Variants in PPIG observed in about 807,000 individuals in gnomAD.
PPIG encodes peptidyl-prolyl cis-trans isomerase G.
PPIG carries 26 observed loss-of-function variants against 87.9 expected under a neutral mutation model. The observed-to-expected ratio is 0.30, with a 90% confidence interval of 0.22 to 0.41. PPIG has a LOEUF of 0.41. Ranked by LOEUF, PPIG falls within the 10% of genes least tolerant of loss-of-function variation. The probability of loss-of-function intolerance (pLI) is 1.00; values close to 1 mark genes in which losing one functional copy is unlikely to be tolerated. For missense variants in PPIG, 722 were observed against 879.4 expected (o/e 0.82, Z 2.26); for synonymous variants, 308 against 276.5 (o/e 1.11, Z -1.13).
intron 7 of PPIG, among the ~76,000 whole-genome samples, chr2:169,611,505 T>TCAA (rs1327894069): frequency 1.3e-5 from 2 of 152,214 alleles, no homozygotes; most frequent in East Asian, 3.8e-4. Context: ...ATGAACATTG[T>TCAA]TGTGCCTATC....
At chr2:169,606,590 T>TGAAAAAAAA (rs1360012419) in intron 5 of PPIG, among the ~76,000 whole-genome samples, 2 of 10,000 alleles carry the variant, frequency 2.0e-4, no homozygotes, top group Admixed American at 2.9e-3. Flanking sequence ...AGACTCTGTC[T>TGAAAAAAAA]CAAAAAAAAA....
rs1163942681 is a variant in PPIG, at chr2:169,633,651, A to G, written c.1017+404A>G. ...CAAAACTTTATAGAAACTTGGCTATACTTTCCTGTCTTATGTCTTCACTTC... is the reference window on the plus strand; with the variant it reads ...CAAAACTTTATAGAAACTTGGCTATGCTTTCCTGTCTTATGTCTTCACTTC... On this transcript the variant is annotated intron_variant, in intron 12 of 13. Transcript: ENST00000260970. 3 of 217,816 alleles carry G rather than the reference A, an allele frequency of 1.4e-5. No homozygotes were observed. In the Admixed American group the frequency reaches 1.7e-4, roughly 13 times the overall value. 13.5% of individuals were successfully genotyped at this position (217,816 alleles called of 1,614,324 possible).
chr2:169,631,028 T>C (rs756087684), intron 10 of PPIG, 41 bp downstream of exon 10: 1 of 1,481,418 alleles, frequency 6.8e-7, no homozygotes, highest in Non-Finnish European at 9.1e-7. Flanking sequence ...TATATTCTGA[T>C]TTCCTTTCTG....
chr2:169,606,591 C>CAAAAA (rs71006009), intron 5 of PPIG, among the ~76,000 whole-genome samples: 14 of 85,022 alleles, frequency 1.6e-4, no homozygotes, highest in South Asian at 3.6e-4. Context: ...GACTCTGTCT[C>CAAAAA]AAAAAAAAAA....
chr2:169,628,307 G>A (rs778317463), intron 9 of PPIG, among the ~76,000 whole-genome samples: 2 of 152,102 alleles, frequency 1.3e-5, no homozygotes, highest in Non-Finnish European at 2.9e-5. Context: ...GGGTAAGGAA[G>A]GATTATCTTA....
Position 169,606,958 on chromosome 2 carries a change from CATT to C in PPIG, c.245-144_245-142del. On this transcript the variant is annotated intron_variant, in intron 5 of 13. Coordinates refer to ENST00000260970, the MANE Select transcript of PPIG (RefSeq NM_004792.3). ...TAATTTGGGACCTTGTCGTTATTGA[CATT>C]AATATCTTTTATGATTTGCTGCAAT... The C allele has an allele frequency of 3.3e-5, 21 of 628,698 alleles. No individual in the cohort carries two copies. In the South Asian group the frequency reaches 4.0e-4, roughly 12 times the overall value. 38.9% of individuals were successfully genotyped at this position (628,698 alleles called of 1,614,324 possible).
chr2:169,628,225 T>C (rs1685945783), intron 9 of PPIG, among the ~76,000 whole-genome samples: 1 of 152,160 alleles, frequency 6.6e-6, no homozygotes, highest in African/African-American at 2.4e-5. Flanking sequence ...CTGTCATGAT[T>C]TCCAGGCACA....
In PPIG at chr2:169,638,741, C is replaced by T. The variant is rs1686247213; in HGVS notation, c.*1218C>T. The T allele has an allele frequency of 6.6e-6, 1 of 151,972 alleles. No individual in the cohort carries two copies. Among genetic ancestry groups the T allele is most frequent in the African/African-American group, 2.4e-5 (1 of 41,430 alleles). The allele number at this position is 151,972 out of a possible 1,614,324, so 9.4% of individuals were successfully genotyped here. ...TTTTGATAGTTTACAGAGTTAAACA[C>T]TAAACATATCCAAAGTCCATTTAGA... On this transcript the variant is annotated 3_prime_UTR_variant, in exon 14 of 14. Coordinates refer to ENST00000260970, the MANE Select transcript of PPIG (RefSeq NM_004792.3).
rs1686304852 is a variant in PPIG, at chr2:169,641,274, A to G, written c.*3751A>G. The G allele has an allele frequency of 6.6e-6, 1 of 152,170 alleles. No individual in the cohort carries two copies. The highest frequency in any genetic ancestry group is 1.5e-5 in the Non-Finnish European group (1 of 68,012). 9.4% of individuals were successfully genotyped at this position (152,170 alleles called of 1,614,324 possible). The stretch of plus-strand genomic sequence containing the variant: ...TCTCAATTGTAAAATTAGTTTCAAA[A>G]TGCTGCTTCTCTTATCATTAGTCTA... On this transcript the variant is annotated 3_prime_UTR_variant, in exon 14 of 14. Coordinates refer to ENST00000260970, the MANE Select transcript of PPIG (RefSeq NM_004792.3).
chr2:169,632,569 A>G (rs556149133), intron 11 of PPIG, among the ~76,000 whole-genome samples: 145 of 151,314 alleles, frequency 9.6e-4, no homozygotes, highest in African/African-American at 3.4e-3. Flanking sequence ...GTGAAACCCC[A>G]TCTCTACTAA....
At chr2:169,593,771 C>T (rs1684938289) in intron 1 of PPIG, among the ~76,000 whole-genome samples, 1 of 151,014 alleles carries the variant, frequency 6.6e-6, no homozygotes, top group African/African-American at 2.4e-5. Context: ...CCTGCCTCAG[C>T]CTCCAGGTGG....
Position 169,614,579 on chromosome 2 carries a change from CT to C in PPIG, c.408-3del. The stretch of plus-strand genomic sequence containing the variant: ...TTATTTAATAATTTTTTACTTGACA[CT>C]TTAGGCATCATGTTGTTTTTGGACA... On this transcript the variant is annotated splice_polypyrimidine_tract_variant and splice_region_variant and intron_variant, in intron 8 of 13. Coordinates refer to ENST00000260970, the MANE Select transcript of PPIG (RefSeq NM_004792.3). The C allele has an allele frequency of 1.9e-6, 3 of 1,598,588 alleles. No homozygotes were observed. Among genetic ancestry groups the C allele is most frequent in the African/African-American group, 2.7e-5 (2 of 74,092 alleles).
At chr2:169,611,814 A>G (rs1685496388) in intron 7 of PPIG, among the ~76,000 whole-genome samples, 1 of 152,070 alleles carries the variant, frequency 6.6e-6, no homozygotes, top group African/African-American at 2.4e-5. Context: ...ATATCTTCCT[A>G]TTTCGTAGGT....
Position 169,639,793 on chromosome 2 carries a change from T to C in PPIG, c.*2270T>C, listed in dbSNP as rs1274455040. ...TCTGAATAGCACACGGCTCAAATGG[T>C]CCTTTCCTTTTGTTACATTTAGTAG... On this transcript the variant is annotated 3_prime_UTR_variant, in exon 14 of 14. Coordinates refer to ENST00000260970, the MANE Select transcript of PPIG (RefSeq NM_004792.3). 1 of 152,120 alleles carries C rather than the reference T, an allele frequency of 6.6e-6. No individual in the cohort carries two copies. Among genetic ancestry groups the C allele is most frequent in the Non-Finnish European group, 1.5e-5 (1 of 67,988 alleles). The allele number at this position is 152,120 out of a possible 1,614,324, so 9.4% of individuals were successfully genotyped here.
At chr2:169,630,654 A>G in intron 9 of PPIG, 120 bp from the exon 10 acceptor site, 1 of 824,280 alleles carries the variant, frequency 1.2e-6, no homozygotes, top group Non-Finnish European at 2.0e-6. Flanking sequence ...CCCAGTTCAC[A>G]TAGCTGGATG....
intron 2 of PPIG, 66 bp from the exon 3 acceptor site, chr2:169,603,960 T>C (rs1685252891): frequency 2.4e-6 from 3 of 1,267,092 alleles, no homozygotes; most frequent in African/African-American, 1.5e-5. Flanking sequence ...GAATTTTTTT[T>C]CCAGAAATTT....
At chr2:169,607,666 A>AT (rs1404156211) in intron 6 of PPIG, among the ~76,000 whole-genome samples, 1 of 152,220 alleles carries the variant, frequency 6.6e-6, no homozygotes, top group Non-Finnish European at 1.5e-5. Flanking sequence ...CACTTTTGAC[A>AT]TTTAGTGAAA....
intron 1 of PPIG, chr2:169,584,880 A>T (rs1684656622): frequency 3.7e-6 from 1 of 271,008 alleles, no homozygotes; most frequent in Admixed American, 5.4e-5. Context: ...CAAAATCCTA[A>T]GACTCAGCAC....
chr2:169,597,059 G>T (rs926766270), intron 1 of PPIG, among the ~76,000 whole-genome samples: 1 of 152,052 alleles, frequency 6.6e-6, no homozygotes, highest in African/African-American at 2.4e-5. Flanking sequence ...CCAAATCTTG[G>T]ATATTGTAAA....
Sources: allele counts gnomAD v4.1 joint callset (sites outside exome capture counted in the v4.1 genomes callset), GRCh38; gene constraint gnomAD v4.1.1; transcripts MANE v1.5; gene names NCBI Gene and HGNC (gene_info 2026-07-23, HGNC 2026-07-21).